The following IL1RAPL1 variants were observed in gnomAD, a reference collection of about 807,000 sequenced individuals.
IL1RAPL1 encodes interleukin-1 receptor accessory protein-like 1.
A neutral mutation model predicts 48.4 loss-of-function variants in IL1RAPL1; 3 were observed. The observed-to-expected ratio is 0.06, with a 90% CI of 0.03 to 0.16. The LOEUF (loss-of-function observed/expected upper bound fraction) is 0.16. Among genes scored for constraint, IL1RAPL1 ranks in the 10% least tolerant of loss-of-function variants. The pLI is 1.00. For missense variants in IL1RAPL1, 349 were observed against 530.6 expected, an observed-to-expected ratio of 0.66 and a Z score of 3.36; for synonymous variants, 185 against 187.7, an observed-to-expected ratio of 0.99 and a Z score of 0.12.
chrX:29,706,475 T>C (rs930933381), intron 6 of IL1RAPL1, among the ~76,000 whole-genome samples: 1 of 111,594 alleles, frequency 9.0e-6, no homozygotes, highest in Admixed American at 9.5e-5. Flanking sequence ...GGTACAGGCA[T>C]TGGGTAAATT....
intron 2 of IL1RAPL1, among the ~76,000 whole-genome samples, chrX:28,884,481 A>G (rs1377213436): frequency 1.8e-5 from 2 of 111,812 alleles, no homozygotes; most frequent in Non-Finnish European, 3.8e-5. Context: ...TTTATTGCTT[A>G]TTGTGATAAT....
chrX:29,096,697 A>T lies in IL1RAPL1; in HGVS notation c.83-186241A>T, dbSNP rs1786569015. 3.6e-5 allele frequency among the ~76,000 whole-genome samples: 4 copies of T among 110,944 alleles called. No homozygotes were observed. In the Admixed American group the frequency reaches 3.9e-4, roughly 11 times the overall value. On this transcript the variant is annotated intron_variant, in intron 2 of 10. Coordinates refer to ENST00000378993, the MANE Select transcript of IL1RAPL1 (RefSeq NM_014271.4). Reference sequence around the variant, plus strand: ...ACTGGAAAAACATGTAAGAAATTTAAAAAAATTAAATATATATTTATTTTA... The same window carrying T: ...ACTGGAAAAACATGTAAGAAATTTATAAAAATTAAATATATATTTATTTTA...
chrX:29,507,940 T>C (rs1378873344), intron 5 of IL1RAPL1, among the ~76,000 whole-genome samples: 2 of 111,788 alleles, frequency 1.8e-5, no homozygotes, highest in African/African-American at 6.5e-5. Context: ...ACAATTAGTC[T>C]GCACAAAATC....
chrX:29,882,541 C>T (rs959588501), intron 6 of IL1RAPL1, among the ~76,000 whole-genome samples: 30 of 111,509 alleles, frequency 2.7e-4, no homozygotes, highest in Non-Finnish European at 2.8e-4. Context: ...TTAGGTTTTA[C>T]AGGCCATATA....
chrX:29,561,055 G>T (rs187013218), intron 5 of IL1RAPL1, among the ~76,000 whole-genome samples: 1 of 111,828 alleles, frequency 8.9e-6, no homozygotes, highest in African/African-American at 3.2e-5. Context: ...TAGGGGTCTC[G>T]CAGACCTTTA....
At chrX:29,146,556 CATAATT>C (rs1929356062) in intron 2 of IL1RAPL1, among the ~76,000 whole-genome samples, 2 of 111,770 alleles carry the variant, frequency 1.8e-5, no homozygotes, top group African/African-American at 3.2e-5. Context: ...CACTAAATCT[CATAATT>C]ATAAGACAAT....
intron 6 of IL1RAPL1, among the ~76,000 whole-genome samples, chrX:29,865,570 C>T (rs1931670767): frequency 9.2e-6 from 1 of 109,007 alleles, no homozygotes; most frequent in Non-Finnish European, 1.9e-5. Context: ...AAAATAGATG[C>T]TCAATAAATG....
At chrX:28,656,765 G>A (rs1011535045) in intron 1 of IL1RAPL1, among the ~76,000 whole-genome samples, 6 of 111,489 alleles carry the variant, frequency 5.4e-5, no homozygotes, top group Admixed American at 9.5e-5. Context: ...GGTGGCTCAC[G>A]CCTGTAATCC....
At chrX:29,310,135 G>C (rs1020928980) in intron 3 of IL1RAPL1, among the ~76,000 whole-genome samples, 1 of 41,133 alleles carries the variant, frequency 2.4e-5, no homozygotes, top group Non-Finnish European at 4.9e-5. Context: ...AAAAAGAAAG[G>C]AAAAAAAAAA....
At chrX:29,543,899 T>A (rs1334926256) in intron 5 of IL1RAPL1, among the ~76,000 whole-genome samples, 1 of 111,086 alleles carries the variant, frequency 9.0e-6, no homozygotes, top group Non-Finnish European at 1.9e-5. Context: ...TTAATGCAGA[T>A]CTCAAAGGAA....
At chrX:28,815,843 A>G (rs12388549) in intron 2 of IL1RAPL1, among the ~76,000 whole-genome samples, 1,098 of 28,121 alleles carry the variant, frequency 0.039, 38 homozygotes, top group African/African-American at 0.2. Context: ...GTTTATGTAT[A>G]TATATATATA....
chrX:29,033,946 T>G (rs1440771110), intron 2 of IL1RAPL1, among the ~76,000 whole-genome samples: 1 of 110,558 alleles, frequency 9.0e-6, no homozygotes, highest in East Asian at 2.8e-4. Flanking sequence ...GATAATTGGA[T>G]GAAATAATGG....
chrX:29,240,220 ATATATTT>A (rs1931391919), intron 2 of IL1RAPL1, among the ~76,000 whole-genome samples: 1 of 19,581 alleles, frequency 5.1e-5, no homozygotes, highest in South Asian at 3.2e-3. Context: ...ATATATATAT[ATATATTT>A]TTTTTTTTTT....
intron 2 of IL1RAPL1, among the ~76,000 whole-genome samples, chrX:29,052,561 C>T (rs916670454): frequency 4.5e-5 from 5 of 110,988 alleles, no homozygotes; most frequent in African/African-American, 1.6e-4. Flanking sequence ...TTCCCCTTTT[C>T]CTACCCTCCC....
chrX:29,436,884 A>G (rs1438452659), intron 5 of IL1RAPL1, among the ~76,000 whole-genome samples: 1 of 110,424 alleles, frequency 9.1e-6, no homozygotes, highest in Non-Finnish European at 1.9e-5. Context: ...TATAAAGTAC[A>G]TGTGTGTGTG....
At chrX:28,750,767 A>C (rs1936034095) in intron 1 of IL1RAPL1, among the ~76,000 whole-genome samples, 1 of 112,232 alleles carries the variant, frequency 8.9e-6, no homozygotes, top group African/African-American at 3.2e-5. Flanking sequence ...TTTACATCCT[A>C]ATATGTATAT....
rs5943464 is a variant in IL1RAPL1 at position 28,831,026 on chromosome X, C to G, written c.82+41601C>G. 6.5e-3 allele frequency among the ~76,000 whole-genome samples: 217 copies of G among 33,631 alleles called. 2 individuals are homozygous for G. The highest frequency in any genetic ancestry group is 7.7e-3 in the African/African-American group (51 of 6,633). The allele number at this position is 33,631 out of a possible 115,157, so 29.2% of individuals were successfully genotyped here. ...TCTCTCTCTCTCTCTCTCTCTCTCT[C>G]TGTGTGTGTGTGTGTGTGTGTGTGT... On this transcript the variant is annotated intron_variant, in intron 2 of 10. Coordinates refer to ENST00000378993, the MANE Select transcript of IL1RAPL1 (RefSeq NM_014271.4).
Position 29,524,915 on chromosome X carries a change from G to A in IL1RAPL1, c.703+125607G>A, listed in dbSNP as rs185492797. On this transcript the variant is annotated intron_variant, in intron 5 of 10. Coordinates refer to ENST00000378993, the MANE Select transcript of IL1RAPL1 (RefSeq NM_014271.4). ...AGTCAGCTTTGTGTACCTTTATAGA[G>A]ATTCCAGTATAAACCCAGAAACATA... Among the ~76,000 whole-genome samples the A allele has an allele frequency of 5.6e-3, 623 of 112,202 alleles. 6 individuals are homozygous for A. The highest frequency in any genetic ancestry group is 0.019 in the African/African-American group (593 of 30,923).
chrX:29,779,304 A>G lies in IL1RAPL1; in HGVS notation c.778+110800A>G, dbSNP rs917124043. ...GGATTCTGGACCCCAAAGATACTCA[A>G]TGACTTACATAAGAACCCACAGCTA... On this transcript the variant is annotated intron_variant, in intron 6 of 10. Transcript: ENST00000378993. Among the ~76,000 whole-genome samples the G allele has an allele frequency of 9.0e-5, 10 of 111,520 alleles. 1 individual carries two copies. Among genetic ancestry groups the G allele is most frequent in the Admixed American group, 7.7e-4 (8 of 10,446 alleles).
Sources: allele counts gnomAD v4.1 joint callset (sites outside exome capture counted in the v4.1 genomes callset), GRCh38; gene constraint gnomAD v4.1.1; transcripts MANE v1.5; gene names NCBI Gene and HGNC (gene_info 2026-07-23, HGNC 2026-07-21).